ARHGEF7: variants seen among roughly 807,000 people sequenced by gnomAD.
ARHGEF7 encodes the protein PAK-interacting exchange factor beta.
ARHGEF7 carries 33 observed loss-of-function variants against 109.8 expected under a neutral mutation model. The ratio of observed to expected loss-of-function variants is 0.30; its 90% CI spans 0.23 to 0.40. ARHGEF7 has a LOEUF of 0.40. Among genes scored for constraint, ARHGEF7 ranks in the 10% least tolerant of loss-of-function variants. The pLI is 1.00. For synonymous variants in ARHGEF7, 458 were observed against 424.6 expected, an observed-to-expected ratio of 1.08 and a Z score of -0.97; for missense variants, 938 against 1,098.5, an observed-to-expected ratio of 0.85 and a Z score of 2.07.
intron 7 of ARHGEF7, 63 bp downstream of exon 7, chr13:111,244,029 AT>A: frequency 7.1e-7 from 1 of 1,417,180 alleles, no homozygotes; most frequent in Non-Finnish European, 9.8e-7. Context: ...GTTCTCTTCT[AT>A]TTTCAGAGAA....
At chr13:111,245,839 C>T (rs1273988071) in intron 8 of ARHGEF7, among the ~76,000 whole-genome samples, 1 of 152,130 alleles carries the variant, frequency 6.6e-6, no homozygotes, top group Non-Finnish European at 1.5e-5. Context: ...AGTAATAAGT[C>T]GTTAGCAAAA....
At chr13:111,254,211 C>T (rs2153563885) in intron 8 of ARHGEF7, among the ~76,000 whole-genome samples, 1 of 152,356 alleles carries the variant, frequency 6.6e-6, no homozygotes, top group African/African-American at 2.4e-5. Flanking sequence ...AAATTTTCTT[C>T]TCTAGAGACT....
intron 2 of ARHGEF7, among the ~76,000 whole-genome samples, chr13:111,183,416 A>T (rs2078954792): frequency 6.6e-6 from 1 of 152,108 alleles, no homozygotes; most frequent in Non-Finnish European, 1.5e-5. Context: ...TTTCTCTCAG[A>T]AGCTGTCTGG....
At chr13:111,123,118 T>C (rs2067306140) in intron 1 of ARHGEF7, among the ~76,000 whole-genome samples, 1 of 152,224 alleles carries the variant, frequency 6.6e-6, no homozygotes, top group African/African-American at 2.4e-5. Flanking sequence ...TCCTCACTTC[T>C]TGAATCTGAG....
At chr13:111,247,698 G>C (rs1258657314) in intron 8 of ARHGEF7, among the ~76,000 whole-genome samples, 1 of 152,184 alleles carries the variant, frequency 6.6e-6, no homozygotes, top group Non-Finnish European at 1.5e-5. Flanking sequence ...GGCTGGGTCA[G>C]ATTCCGCCTA....
At chr13:111,240,054 C>A (rs2087496214) in intron 6 of ARHGEF7, among the ~76,000 whole-genome samples, 1 of 152,148 alleles carries the variant, frequency 6.6e-6, no homozygotes, top group South Asian at 2.1e-4. Flanking sequence ...CCTCGTAAAA[C>A]CCCTTTTTGT....
chr13:111,209,159 C>T (rs548682711), intron 3 of ARHGEF7: 3 of 152,254 alleles, frequency 2.0e-5, no homozygotes, highest in African/African-American at 4.8e-5. Context: ...CTCAGAACAG[C>T]GATTTTCCCA....
chr13:111,292,780 AAGT>A, intron 19 of ARHGEF7: 1 of 1,000,164 alleles, frequency 1.0e-6, no homozygotes, highest in Non-Finnish European at 1.2e-6. Flanking sequence ...AACACTGATC[AAGT>A]AGTTGTGGAG....
At chr13:111,244,081 T>A in intron 7 of ARHGEF7, 115 bp downstream of exon 7, 1 of 1,201,494 alleles carries the variant, frequency 8.3e-7, no homozygotes, top group Non-Finnish European at 1.2e-6. Context: ...TGTACCAGTT[T>A]GCCTTAGACA....
chr13:111,135,775 A>T (rs1442601332), intron 1 of ARHGEF7, among the ~76,000 whole-genome samples: 1 of 152,206 alleles, frequency 6.6e-6, no homozygotes, highest in Non-Finnish European at 1.5e-5. Flanking sequence ...TTCCTAATTG[A>T]ATACCCTTTA....
intron 5 of ARHGEF7, among the ~76,000 whole-genome samples, chr13:111,232,878 A>G (rs1057294663): frequency 6.6e-6 from 1 of 152,176 alleles, no homozygotes; most frequent in East Asian, 1.9e-4. Context: ...GTGACGCTTT[A>G]TATTTACCAC....
intron 21 of ARHGEF7, among the ~76,000 whole-genome samples, chr13:111,301,757 G>T (rs2093573807): frequency 6.6e-6 from 1 of 152,150 alleles, no homozygotes; most frequent in South Asian, 2.1e-4. Flanking sequence ...GCTGGGCATA[G>T]CGGCAGGTGC....
intron 2 of ARHGEF7, among the ~76,000 whole-genome samples, chr13:111,189,792 T>A (rs2079660091): frequency 6.6e-6 from 1 of 152,200 alleles, no homozygotes; most frequent in Non-Finnish European, 1.5e-5. Flanking sequence ...GAGCACTGAT[T>A]GATGCATTTT....
chr13:111,257,723 C>G (rs982898084), intron 8 of ARHGEF7, among the ~76,000 whole-genome samples: 1 of 152,228 alleles, frequency 6.6e-6, no homozygotes, highest in South Asian at 2.1e-4. Flanking sequence ...CTACTGCTCC[C>G]TCAACTTCGG....
At chr13:111,256,096 AAAC>A (rs1332107524) in intron 8 of ARHGEF7, among the ~76,000 whole-genome samples, 1 of 152,210 alleles carries the variant, frequency 6.6e-6, no homozygotes, top group Non-Finnish European at 1.5e-5. Context: ...GAATGGTAGA[AAAC>A]AACCAAATGT....
intron 1 of ARHGEF7, among the ~76,000 whole-genome samples, chr13:111,137,686 A>G (rs1308773258): frequency 2.0e-5 from 3 of 152,318 alleles, no homozygotes; most frequent in Non-Finnish European, 2.9e-5. Flanking sequence ...AATTTTTTAA[A>G]ATAAAAAAGA....
chr13:111,153,774 C>T, intron 1 of ARHGEF7, 131 bp from the exon 2 acceptor site: 1 of 1,372,150 alleles, frequency 7.3e-7, no homozygotes, highest in Non-Finnish European at 9.3e-7. Context: ...CGGGCTCGCT[C>T]CAGGCCGTCG....
chr13:111,203,856 G>A (rs532432276), intron 2 of ARHGEF7, among the ~76,000 whole-genome samples: 5 of 152,308 alleles, frequency 3.3e-5, no homozygotes, highest in South Asian at 2.1e-4. Flanking sequence ...TTCTCTTGGC[G>A]TGAGCTTCAT....
At chr13:111,215,874 T>C (rs2083067783) in intron 4 of ARHGEF7, among the ~76,000 whole-genome samples, 1 of 152,152 alleles carries the variant, frequency 6.6e-6, no homozygotes, top group African/African-American at 2.4e-5. Flanking sequence ...CCCCTGACTG[T>C]GTAGATCTCC....
Sources: gnomAD v4.1 joint callset for allele counts (sites outside exome capture counted in the v4.1 genomes callset) on GRCh38, gnomAD v4.1.1 for gene constraint, MANE v1.5 for transcripts, NCBI Gene and HGNC (gene_info 2026-07-23, HGNC 2026-07-21) for gene names.